The following CNTNAP4 variants were observed in gnomAD, a reference collection of about 807,000 sequenced individuals.
CNTNAP4 encodes contactin-associated protein-like 4.
In CNTNAP4, 98 loss-of-function variants were observed where a neutral mutation model predicts 148.4. The ratio of observed to expected loss-of-function variants is 0.66; its 90% CI spans 0.56 to 0.78. The LOEUF (loss-of-function observed/expected upper bound fraction) is 0.78. Among genes scored for constraint, CNTNAP4 ranks in the 30% least tolerant of loss-of-function variants. The probability of loss-of-function intolerance (pLI) is 0.00; values close to 1 mark genes in which losing one functional copy is unlikely to be tolerated. For missense variants in CNTNAP4, 1,935 were observed against 1,565.6 expected, an observed-to-expected ratio of 1.24 and a Z score of -3.98; for synonymous variants, 730 against 565.1, an observed-to-expected ratio of 1.29 and a Z score of -4.14.
chr16:76,284,263 T>C (rs983476786), intron 1 of CNTNAP4, among the ~76,000 whole-genome samples: 1 of 151,908 alleles, frequency 6.6e-6, no homozygotes, highest in African/African-American at 2.4e-5. Context: ...CAAATTCTTA[T>C]AAAATGTATG....
intron 3 of CNTNAP4, among the ~76,000 whole-genome samples, chr16:76,390,863 T>C (rs1472414680): frequency 6.6e-6 from 1 of 152,144 alleles, no homozygotes; most frequent in Non-Finnish European, 1.5e-5. Flanking sequence ...TTTTTTTTCT[T>C]TTTTAAAAAA....
chr16:76,533,231 C>G (rs2084062956), intron 17 of CNTNAP4, among the ~76,000 whole-genome samples: 1 of 152,046 alleles, frequency 6.6e-6, no homozygotes, highest in East Asian at 1.9e-4. Flanking sequence ...TGAAATAAAC[C>G]AGGAACAGAA....
intron 3 of CNTNAP4, among the ~76,000 whole-genome samples, chr16:76,363,704 A>T (rs796267392): frequency 3.9e-5 from 6 of 152,332 alleles, no homozygotes; most frequent in African/African-American, 1.4e-4. Flanking sequence ...AGGCATCCTA[A>T]AGAATGAGAG....
At chr16:76,463,435 C>G (rs1259805814) in intron 9 of CNTNAP4, among the ~76,000 whole-genome samples, 6 of 152,072 alleles carry the variant, frequency 3.9e-5, no homozygotes, top group Non-Finnish European at 8.8e-5. Context: ...AATTTTTACT[C>G]TAGTGATTGC....
chr16:76,530,561 G>A (rs2144197794), intron 17 of CNTNAP4, among the ~76,000 whole-genome samples: 1 of 152,260 alleles, frequency 6.6e-6, no homozygotes, highest in African/African-American at 2.4e-5. Flanking sequence ...GACTCGCTCT[G>A]GCTTCAGTGT....
chr16:76,546,905 CCTTG>C (rs1386111918), intron 21 of CNTNAP4, among the ~76,000 whole-genome samples: 13 of 152,108 alleles, frequency 8.5e-5, no homozygotes, highest in Non-Finnish European at 1.5e-5. Flanking sequence ...AAATTATCCC[CCTTG>C]CTTGATATCT....
Position 76,343,956 on chromosome 16 carries a change from A to G in CNTNAP4, c.197-11362A>G, listed in dbSNP as rs2144377185. On this transcript the variant is annotated intron_variant, in intron 2 of 23. Transcript: ENST00000611870. ...CTCATTTGTTTGTAGGCCAGGAGCCAGATGGAACTAGCCAGGGTGCACGGA... is the reference window on the plus strand; with the variant it reads ...CTCATTTGTTTGTAGGCCAGGAGCCGGATGGAACTAGCCAGGGTGCACGGA... 2.6e-5 allele frequency among the ~76,000 whole-genome samples: 4 copies of G among 152,314 alleles called. No individual in the cohort carries two copies. The Middle Eastern group carries it at 0.01, about 389-fold the overall frequency.
chr16:76,510,179 G>T (rs948136440), intron 15 of CNTNAP4, among the ~76,000 whole-genome samples: 1 of 146,400 alleles, frequency 6.8e-6, no homozygotes, highest in Non-Finnish European at 1.5e-5. Flanking sequence ...TAAGCAACCA[G>T]TAACCTGCTT....
intron 2 of CNTNAP4, among the ~76,000 whole-genome samples, chr16:76,322,556 T>C (rs973757813): frequency 2.0e-5 from 3 of 152,178 alleles, no homozygotes; most frequent in African/African-American, 7.2e-5. Context: ...TGGCAAGATA[T>C]TTCACCACCA....
chr16:76,350,783 G>A (rs917565596), intron 2 of CNTNAP4, among the ~76,000 whole-genome samples: 4 of 152,224 alleles, frequency 2.6e-5, no homozygotes, highest in Non-Finnish European at 5.9e-5. Flanking sequence ...GCATTTAAGA[G>A]TCTTGTGAAT....
chr16:76,395,619 A>G (rs780842309), intron 3 of CNTNAP4, among the ~76,000 whole-genome samples: 1 of 152,178 alleles, frequency 6.6e-6, no homozygotes, highest in Non-Finnish European at 1.5e-5. Context: ...ATAATATTTT[A>G]TAAGTATCTT....
At position 76,495,186 on chromosome 16, in the gene CNTNAP4, G is replaced by A. The variant is rs1000755023; in HGVS notation, c.2237+120G>A. Reference sequence around the variant, plus strand: ...AGTGCAATGAAGTAATTAAATAAAGGTTTGTTTTAATGAAACGTGGTGTAG... The same window carrying A: ...AGTGCAATGAAGTAATTAAATAAAGATTTGTTTTAATGAAACGTGGTGTAG... On this transcript the variant is annotated intron_variant, in intron 14 of 23. Coordinates refer to ENST00000611870, the MANE Select transcript of CNTNAP4 (RefSeq NM_033401.5). 7.2e-6 allele frequency: 8 copies of A among 1,112,254 alleles called. No individual in the cohort carries two copies. In the South Asian group the frequency reaches 1.2e-4, roughly 17 times the overall value. 68.9% of individuals were successfully genotyped at this position (1,112,254 alleles called of 1,614,324 possible). A position where few individuals can be genotyped will look rare whatever the true frequency, so the allele number is the denominator to read the frequency against.
chr16:76,539,815 T>G lies in CNTNAP4; in HGVS notation c.3317T>G (p.Ile1106Arg). The G allele has an allele frequency of 6.2e-7, 1 of 1,602,130 alleles. No individual in the cohort carries two copies. The highest frequency in any genetic ancestry group is 8.5e-7 in the Non-Finnish European group (1 of 1,175,342). ...KNMADGQLHH[I>R]MINREEGVVF... ...ATGGCTGATGGACAACTTCACCACA[T>G]AATGATTAACAGAGAAGAAGGAGTG... The change falls in exon 20 of 24, where the codon ATA becomes AGA. Residue 1106 changes from isoleucine to arginine, a missense_variant. By Grantham distance (97) the Ile-to-Arg change is moderately conservative. Coordinates refer to ENST00000611870, the MANE Select transcript of CNTNAP4 (RefSeq NM_033401.5).
At chr16:76,381,597 C>G (rs1302391901) in intron 3 of CNTNAP4, among the ~76,000 whole-genome samples, 4 of 152,158 alleles carry the variant, frequency 2.6e-5, no homozygotes, top group Non-Finnish European at 5.9e-5. Flanking sequence ...AGAGAATTAA[C>G]ATGTGGTTTA....
At chr16:76,416,098 T>C (rs1441686226) in intron 3 of CNTNAP4, among the ~76,000 whole-genome samples, 2 of 151,344 alleles carry the variant, frequency 1.3e-5, no homozygotes, top group Non-Finnish European at 3.0e-5. Flanking sequence ...GGGCTCAATA[T>C]TGGTGACTTT....
intron 12 of CNTNAP4, among the ~76,000 whole-genome samples, chr16:76,480,977 C>G (rs558132235): frequency 3.9e-5 from 6 of 152,252 alleles, no homozygotes; most frequent in African/African-American, 1.4e-4. Flanking sequence ...AAGGATTCAG[C>G]TCTACTGGAT....
intron 1 of CNTNAP4, among the ~76,000 whole-genome samples, chr16:76,304,223 C>G (rs1960257375): frequency 6.6e-6 from 1 of 152,114 alleles, no homozygotes; most frequent in African/African-American, 2.4e-5. Flanking sequence ...TCATGTAGTA[C>G]TTAGCAGAGG....
intron 11 of CNTNAP4, among the ~76,000 whole-genome samples, chr16:76,478,223 G>T (rs896816178): frequency 1.3e-5 from 2 of 152,108 alleles, no homozygotes; most frequent in African/African-American, 4.8e-5. Flanking sequence ...TCCACAACCA[G>T]TCCCACCACA....
intron 1 of CNTNAP4, among the ~76,000 whole-genome samples, chr16:76,312,296 A>T (rs1408313469): frequency 6.6e-6 from 1 of 152,254 alleles, no homozygotes; most frequent in East Asian, 1.9e-4. Context: ...TATTGCTGAT[A>T]TTTCTTGGAA....
Sources: gnomAD v4.1 joint callset for allele counts (sites outside exome capture counted in the v4.1 genomes callset) on GRCh38, gnomAD v4.1.1 for gene constraint, MANE v1.5 for transcripts, NCBI Gene and HGNC (gene_info 2026-07-23, HGNC 2026-07-21) for gene names.